The following SLC75A1 variants were observed in gnomAD, a reference collection of about 807,000 sequenced individuals.
The protein encoded by SLC75A1 is solute carrier family 75 member 1, also known as major facilitator superfamily domain containing 10.
the SLC75A1 span, chr4:2,933,432 G>T: frequency 9.8e-7 from 1 of 1,023,222 alleles, no homozygotes; most frequent in Non-Finnish European, 1.5e-6. Context: ...CAGGACATGT[G>T]GGCAAGGGCA....
At chr4:2,931,595 C>T in the SLC75A1 span, 35 of 1,613,276 alleles carry the variant, frequency 2.2e-5, no homozygotes, top group Admixed American at 5.0e-5. Context: ...GTGGATCCGC[C>T]GGGCATAGGC....
the SLC75A1 span, chr4:2,931,894 T>C: frequency 6.2e-7 from 1 of 1,608,316 alleles, no homozygotes; most frequent in Non-Finnish European, 8.5e-7. Context: ...CAGGAAGAGG[T>C]AGAGGAAGTA....
the SLC75A1 span, chr4:2,933,038 T>C: frequency 6.7e-7 from 1 of 1,487,186 alleles, no homozygotes; most frequent in Non-Finnish European, 9.3e-7. Context: ...TCTCCCCACC[T>C]AACCCCATGG....
At chr4:2,931,237 G>A in the SLC75A1 span, 11 of 1,563,954 alleles carry the variant, frequency 7.0e-6, no homozygotes, top group Middle Eastern at 1.7e-4. Context: ...CATAGCCAGC[G>A]ACCACGGAGG....
chr4:2,933,384 AACGTGAC>A, the SLC75A1 span, among the ~76,000 whole-genome samples: 1 of 152,202 alleles, frequency 6.6e-6, no homozygotes, highest in Non-Finnish European at 1.5e-5. Flanking sequence ...GAAGGATCTG[AACGTGAC>A]ACGCGGAGGC....
the SLC75A1 span, chr4:2,932,719 G>C: frequency 1.8e-5 from 29 of 1,597,732 alleles, no homozygotes; most frequent in South Asian, 4.5e-5. Flanking sequence ...GCAAAGCTCC[G>C]AGAGGTGGCC....
the SLC75A1 span, chr4:2,930,717 G>T: frequency 8.8e-7 from 1 of 1,139,822 alleles, no homozygotes; most frequent in Non-Finnish European, 1.2e-6. Flanking sequence ...CCTGCTTAGG[G>T]GCCGGCCCCC....
chr4:2,931,937 C>T, the SLC75A1 span: 1 of 1,607,218 alleles, frequency 6.2e-7, no homozygotes, highest in South Asian at 1.1e-5. Context: ...CTGCTGAGCC[C>T]TGGGGAGAGG....
the SLC75A1 span, chr4:2,931,635 T>C: frequency 1.2e-6 from 2 of 1,613,526 alleles, no homozygotes; most frequent in South Asian, 1.1e-5. Context: ...GTGAGGCCGA[T>C]GAGGAAAAAC....
chr4:2,931,008 C>T, the SLC75A1 span: 50 of 1,611,936 alleles, frequency 3.1e-5, no homozygotes, highest in South Asian at 2.2e-4. Context: ...ACTTGGGAGG[C>T]GAGGGCAGGT....
At chr4:2,934,548 C>A in the SLC75A1 span, 1 of 105,322 alleles carries the variant, frequency 9.5e-6, no homozygotes, top group Non-Finnish European at 2.0e-5. Context: ...CCCTCTAACC[C>A]CCACGCCGCG....
the SLC75A1 span, chr4:2,932,912 A>T: frequency 9.1e-7 from 1 of 1,104,350 alleles, no homozygotes; most frequent in South Asian, 1.6e-5. Flanking sequence ...CCTAGGGGCC[A>T]GGAGCAGCTC....
chr4:2,931,075 AG>A, the SLC75A1 span: 1 of 1,602,632 alleles, frequency 6.2e-7, no homozygotes, highest in Non-Finnish European at 8.5e-7. Flanking sequence ...AGCGGCCACC[AG>A]GGGCCCCGCG....
At chr4:2,931,566 C>T in the SLC75A1 span, 64 of 1,612,360 alleles carry the variant, frequency 4.0e-5, no homozygotes, top group Non-Finnish European at 5.4e-5. Flanking sequence ...CGCTTCACGG[C>T]AGCAACTTCC....
the SLC75A1 span, chr4:2,932,010 A>G: frequency 6.2e-7 from 1 of 1,606,406 alleles, no homozygotes; most frequent in South Asian, 1.1e-5. Context: ...CCCAGGGGAG[A>G]GCAGGCTCCA....
the SLC75A1 span, chr4:2,932,512 C>T: frequency 6.2e-7 from 1 of 1,613,550 alleles, no homozygotes; most frequent in Non-Finnish European, 8.5e-7. Flanking sequence ...CCAATGACCG[C>T]CTAGGGAAAA....
chr4:2,932,801 G>A, the SLC75A1 span: 1 of 1,527,314 alleles, frequency 6.5e-7, no homozygotes, highest in African/African-American at 1.4e-5. Flanking sequence ...GGTCGCTTAA[G>A]GCCAGGAGTG....
the SLC75A1 span, chr4:2,930,998 A>G: frequency 3.1e-6 from 5 of 1,612,350 alleles, no homozygotes; most frequent in Non-Finnish European, 3.4e-6. Context: ...GGGGGCTGGC[A>G]CTTGGGAGGC....
chr4:2,932,121 C>T, the SLC75A1 span: 34 of 1,609,654 alleles, frequency 2.1e-5, no homozygotes, highest in Middle Eastern at 1.6e-4. Flanking sequence ...GCAGATCAGC[C>T]GCATCACGGA....
Sources: allele counts gnomAD v4.1 joint callset (sites outside exome capture counted in the v4.1 genomes callset), GRCh38; gene constraint gnomAD v4.1.1; transcripts MANE v1.5; gene names NCBI Gene and HGNC (gene_info 2026-07-23, HGNC 2026-07-21).